The following VAV2 variants were observed in gnomAD, a reference collection of about 807,000 sequenced individuals.
VAV2 encodes vav guanine nucleotide exchange factor 2.
A neutral mutation model predicts 132.5 loss-of-function variants in VAV2; 67 were observed. The ratio of observed to expected loss-of-function variants is 0.51; its 90% CI spans 0.42 to 0.62. The LOEUF (loss-of-function observed/expected upper bound fraction) is 0.62, where lower values mean the gene tolerates loss of function less well. Among genes scored for constraint, VAV2 ranks in the 20% least tolerant of loss-of-function variants. The probability of loss-of-function intolerance (pLI) is 0.00; values close to 1 mark genes in which losing one functional copy is unlikely to be tolerated. For missense variants in VAV2, 938 were observed against 1,153.6 expected (o/e 0.81, Z 2.71); for synonymous variants, 492 against 443.5 (o/e 1.11, Z -1.37).
chr9:133,775,091 G>A (rs1208092585), intron 24 of VAV2, 40 bp from the exon 25 acceptor site: 6 of 1,547,912 alleles, frequency 3.9e-6, no homozygotes, highest in Middle Eastern at 1.7e-4. Context: ...GCCGCAGTGA[G>A]GACAGTGTCT....
chr9:133,870,140 C>G (rs1172803225), intron 2 of VAV2, among the ~76,000 whole-genome samples: 1 of 152,034 alleles, frequency 6.6e-6, no homozygotes, highest in Non-Finnish European at 1.5e-5. Flanking sequence ...GTTTTGCCAC[C>G]AGGAGGAGGC....
intron 1 of VAV2, among the ~76,000 whole-genome samples, chr9:133,964,001 C>A (rs895397066): frequency 1.6e-5 from 2 of 126,424 alleles, no homozygotes; most frequent in African/African-American, 5.7e-5. Context: ...GACTAGTAAA[C>A]TTTAAAAAAA....
intron 2 of VAV2, among the ~76,000 whole-genome samples, chr9:133,911,247 C>T (rs1242711075): frequency 6.6e-6 from 1 of 152,220 alleles, no homozygotes; most frequent in Non-Finnish European, 1.5e-5. Flanking sequence ...CACACCCGTT[C>T]CCCAGCCCTT....
At chr9:133,922,370 T>C (rs1282823202) in intron 2 of VAV2, among the ~76,000 whole-genome samples, 1 of 152,006 alleles carries the variant, frequency 6.6e-6, no homozygotes, top group Non-Finnish European at 1.5e-5. Context: ...GATGCCAGAG[T>C]GGGGCAATTT....
chr9:133,822,728 G>A (rs548683663), intron 4 of VAV2, among the ~76,000 whole-genome samples: 1 of 152,268 alleles, frequency 6.6e-6, no homozygotes, highest in Non-Finnish European at 1.5e-5. Context: ...CCTCCTGGCC[G>A]TAACTCCCTC....
In VAV2 at chr9:133,809,155, G is replaced by T. The variant is rs1214146456; in HGVS notation, c.568-17C>A. ...GCCCATTTTCTAGAGGAGGGAAGGG[G>T]GAGTCAGCAGGACCCCATGGGCCCG... On this transcript the variant is annotated splice_polypyrimidine_tract_variant and intron_variant, in intron 6 of 29. Coordinates refer to ENST00000371850, the MANE Select transcript of VAV2 (RefSeq NM_001134398.2). 6.2e-7 allele frequency: 1 copy of T among 1,610,894 alleles called. No individual in the cohort carries two copies. The highest frequency in any genetic ancestry group is 8.5e-7 in the Non-Finnish European group (1 of 1,177,816).
At chr9:133,871,155 G>A (rs375626919) in intron 2 of VAV2, among the ~76,000 whole-genome samples, 9 of 151,126 alleles carry the variant, frequency 6.0e-5, no homozygotes, top group African/African-American at 1.9e-4. Flanking sequence ...CAGATGGATG[G>A]GTGGGCAGAT....
chr9:133,972,150 C>A (rs1421464766), intron 1 of VAV2, among the ~76,000 whole-genome samples: 1 of 152,204 alleles, frequency 6.6e-6, no homozygotes. Context: ...AGAATTCGGG[C>A]CGCACAGATC....
chr9:133,954,988 T>C (rs1351567377), intron 1 of VAV2, among the ~76,000 whole-genome samples: 1 of 152,100 alleles, frequency 6.6e-6, no homozygotes, highest in Non-Finnish European at 1.5e-5. Flanking sequence ...GCTGTTTGCG[T>C]GCAATGAATG....
rs1373077557 is a variant in VAV2 at position 133,769,429 on chromosome 9, G to A, written c.2422C>T (p.Pro808Ser). Residue 808 changes from proline (P) to serine (S), a missense_variant, in exon 28 of 30, where the codon CCC becomes TCC. Transcript: ENST00000371850. This position sits in a 1 kb window ranked among gnomAD's most constrained non-coding sequence, Gnocchi z 8.1. Reference protein sequence around the residue: ...LSFASQGPSAPFWSVFTPRVI... With the variant: ...LSFASQGPSASFWSVFTPRVI... ...GGAGCAGCGGTACCTGACCAGAAGGGAGCGGAGGGGCCCTGAGAAGCAAAG... is the reference window on the plus strand; with the variant it reads ...GGAGCAGCGGTACCTGACCAGAAGGAAGCGGAGGGGCCCTGAGAAGCAAAG... 6.2e-7 allele frequency: 1 copy of A among 1,612,494 alleles called. No individual in the cohort carries two copies. The highest frequency in any genetic ancestry group is 1.1e-5 in the South Asian group (1 of 90,608).
chr9:133,920,052 C>T (rs528153801), intron 2 of VAV2, among the ~76,000 whole-genome samples: 53 of 152,298 alleles, frequency 3.5e-4, no homozygotes, highest in African/African-American at 1.3e-3. Flanking sequence ...CCCCATCCTC[C>T]AGCTGCACGG....
chr9:133,772,826 A>G (rs774424988), intron 25 of VAV2, among the ~76,000 whole-genome samples: 10 of 152,118 alleles, frequency 6.6e-5, no homozygotes, highest in Admixed American at 2.0e-4. Context: ...GTGCATTTAT[A>G]TAAGTCTGGA....
chr9:133,827,969 G>C (rs1485523831), intron 4 of VAV2, among the ~76,000 whole-genome samples: 22 of 272 alleles, frequency 0.081, no homozygotes, highest in Non-Finnish European at 0.15. Flanking sequence ...TGACCACTGA[G>C]CACGGGCATC....
intron 26 of VAV2, among the ~76,000 whole-genome samples, chr9:133,771,354 A>G (rs1833618985): frequency 6.6e-6 from 1 of 152,066 alleles, no homozygotes; most frequent in Non-Finnish European, 1.5e-5. Context: ...ATGAGCCACT[A>G]CGCTCAGCCC....
At chr9:133,924,328 A>G (rs960101681) in intron 2 of VAV2, among the ~76,000 whole-genome samples, 1 of 152,042 alleles carries the variant, frequency 6.6e-6, no homozygotes, top group Admixed American at 6.6e-5. Flanking sequence ...GGTAGACTAC[A>G]GTTATGCACC....
chr9:133,897,063 C>T (rs1839237388), intron 2 of VAV2, among the ~76,000 whole-genome samples: 1 of 152,142 alleles, frequency 6.6e-6, no homozygotes, highest in Non-Finnish European at 1.5e-5. Flanking sequence ...CACTGCACTC[C>T]AGCCTGGGCG....
intron 2 of VAV2, among the ~76,000 whole-genome samples, chr9:133,899,599 C>T (rs1330406258): frequency 1.3e-5 from 2 of 150,704 alleles, no homozygotes; most frequent in African/African-American, 4.9e-5. Flanking sequence ...TAGTAGAGAC[C>T]GCGTTTCACC....
At chr9:133,976,194 A>C (rs1371998243) in intron 1 of VAV2, among the ~76,000 whole-genome samples, 3 of 151,892 alleles carry the variant, frequency 2.0e-5, no homozygotes, top group Non-Finnish European at 2.9e-5. Context: ...TGACAGAGCG[A>C]GATTCCATTT....
intron 4 of VAV2, among the ~76,000 whole-genome samples, chr9:133,815,766 C>G (rs1041336992): frequency 6.6e-6 from 1 of 152,000 alleles, no homozygotes; most frequent in Non-Finnish European, 1.5e-5. Context: ...TATGAGCATT[C>G]AAGTTGTGTG....
Sources: allele counts gnomAD v4.1 joint callset (sites outside exome capture counted in the v4.1 genomes callset), GRCh38; gene constraint gnomAD v4.1.1; non-coding constraint Gnocchi (gnomAD v3.1); transcripts MANE v1.5; gene names NCBI Gene and HGNC (gene_info 2026-07-23, HGNC 2026-07-21).